COL6A5: variants seen among roughly 807,000 people sequenced by gnomAD.
The protein encoded by COL6A5 is collagen alpha-5(VI) chain.
In COL6A5, 48 loss-of-function variants were observed where a neutral mutation model predicts 65.6. That is an observed-to-expected ratio of 0.73 (90% CI 0.58 to 0.93). The LOEUF is 0.93. Ranked by LOEUF, COL6A5 falls within the 40% of genes least tolerant of loss-of-function variation. The probability of loss-of-function intolerance (pLI) is 0.00; values close to 1 mark genes in which losing one functional copy is unlikely to be tolerated. For missense variants in COL6A5, 914 were observed against 928.3 expected (o/e 0.98, Z 0.20); for synonymous variants, 291 against 322.8 (o/e 0.90, Z 1.05).
intron 4 of COL6A5, among the ~76,000 whole-genome samples, chr3:130,381,027 G>T (rs1405052973): frequency 6.6e-6 from 1 of 151,968 alleles, no homozygotes; most frequent in South Asian, 2.1e-4. Context: ...AAGACAAAAG[G>T]GAAGAAAAAG....
At chr3:130,429,667 T>A (rs1937714383), upstream of COL6A5, 4 of 1,170,602 alleles carry the variant, frequency 3.4e-6, no homozygotes, top group South Asian at 6.2e-5. Context: ...TGCCCTCAAC[T>A]CCGTGGGAAA....
At chr3:130,466,731 G>T (rs1422899004) in intron 5 of COL6A5, among the ~76,000 whole-genome samples, 1 of 151,940 alleles carries the variant, frequency 6.6e-6, no homozygotes, top group Admixed American at 6.6e-5. Context: ...AAACTCACCA[G>T]GAACAAAGAG....
At chr3:130,422,957 G>T (rs886072182) in intron 28 of COL6A5, among the ~76,000 whole-genome samples, 175 bp downstream of exon 28, 1 of 152,014 alleles carries the variant, frequency 6.6e-6, no homozygotes. Context: ...CATAAGAATT[G>T]AACTTAGTGA....
intron 7 of COL6A5, among the ~76,000 whole-genome samples, chr3:130,480,214 ATG>A (rs1710200953): frequency 6.6e-6 from 1 of 152,036 alleles, no homozygotes; most frequent in African/African-American, 2.4e-5. Flanking sequence ...TTATTAATAA[ATG>A]TATTTTGAAC....
chr3:130,423,991 T>C (rs1937560494), intron 29 of COL6A5, 91 bp downstream of exon 29: 1 of 981,204 alleles, frequency 1.0e-6, no homozygotes, highest in African/African-American at 1.6e-5. Context: ...ATGCACTGGA[T>C]TTAAGTCCAG....
chr3:130,355,607 T>C (rs73212701), intron 1 of COL6A5, among the ~76,000 whole-genome samples: 52 of 151,538 alleles, frequency 3.4e-4, no homozygotes, highest in Non-Finnish European at 6.8e-4. Flanking sequence ...CACACACACT[T>C]AGGGTAAACT....
exon 3 of COL6A5, chr3:130,440,504 G>T (rs113660207): frequency 6.2e-7 from 1 of 1,613,714 alleles, no homozygotes; most frequent in Non-Finnish European, 8.5e-7. Flanking sequence ...AAATGGAGAA[G>T]CAACAATTGG....
At chr3:130,401,900 G>A in intron 12 of COL6A5, 46 bp downstream of exon 12, 1 of 1,363,278 alleles carries the variant, frequency 7.3e-7, no homozygotes, top group Non-Finnish European at 1.0e-6. Flanking sequence ...GCCTTGATTT[G>A]GTACAGGTGG....
chr3:130,429,305 G>C (rs973204270), upstream of COL6A5, among the ~76,000 whole-genome samples: 1 of 152,144 alleles, frequency 6.6e-6, no homozygotes, highest in Non-Finnish European at 1.5e-5. Context: ...TAAGACAAGT[G>C]ATCAGTGTTT....
intron 3 of COL6A5, among the ~76,000 whole-genome samples, chr3:130,441,040 T>C (rs941654888): frequency 6.6e-6 from 1 of 152,148 alleles, no homozygotes; most frequent in Admixed American, 6.6e-5. Context: ...TGATAGTGTG[T>C]CTTTTAGCCA....
At chr3:130,457,117 G>A (rs146839189) in intron 5 of COL6A5, among the ~76,000 whole-genome samples, 47 of 152,010 alleles carry the variant, frequency 3.1e-4, no homozygotes, top group African/African-American at 1.0e-3. Flanking sequence ...TTGAAGATTT[G>A]TACTTTTTAA....
intron 7 of COL6A5, among the ~76,000 whole-genome samples, chr3:130,392,270 C>T (rs534936388): frequency 3.9e-5 from 6 of 152,126 alleles, no homozygotes; most frequent in Admixed American, 1.3e-4. Context: ...TCTGGGTAAG[C>T]GCCACCTGTG....
chr3:130,451,614 A>G (rs186893974), intron 4 of COL6A5, among the ~76,000 whole-genome samples: 2 of 152,218 alleles, frequency 1.3e-5, no homozygotes, highest in East Asian at 3.9e-4. Flanking sequence ...TAGCATATAT[A>G]TGATCCTGGG....
At chr3:130,368,578 G>A (rs1288436544) in intron 1 of COL6A5, among the ~76,000 whole-genome samples, 2 of 151,870 alleles carry the variant, frequency 1.3e-5, no homozygotes, top group Non-Finnish European at 2.9e-5. Context: ...TGGGTAAGGA[G>A]GAGAAGTGGG....
intron 1 of COL6A5, among the ~76,000 whole-genome samples, chr3:130,363,736 G>A (rs1277612424): frequency 6.6e-6 from 1 of 152,168 alleles, no homozygotes; most frequent in Non-Finnish European, 1.5e-5. Context: ...CTTAACGAAA[G>A]TGTGGGTGCC....
intron 5 of COL6A5, among the ~76,000 whole-genome samples, chr3:130,462,548 A>G (rs1216135781): frequency 1.3e-5 from 2 of 152,066 alleles, no homozygotes; most frequent in South Asian, 2.1e-4. Flanking sequence ...GCAAACTTTA[A>G]TTTTCTCAAA....
intron 5 of COL6A5, among the ~76,000 whole-genome samples, chr3:130,467,037 A>C (rs1709834605): frequency 2.6e-5 from 4 of 152,022 alleles, no homozygotes; most frequent in South Asian, 2.1e-4. Flanking sequence ...AATAATACCA[A>C]TTCTACAAAA....
chr3:130,354,528 G>C (rs1326439861), intron 1 of COL6A5, among the ~76,000 whole-genome samples: 1 of 152,004 alleles, frequency 6.6e-6, no homozygotes, highest in Non-Finnish European at 1.5e-5. Context: ...CAGAACTCAG[G>C]GCTCACTCCA....
At chr3:130,434,325 C>G (rs1937952680) in intron 1 of COL6A5, among the ~76,000 whole-genome samples, 1 of 152,172 alleles carries the variant, frequency 6.6e-6, no homozygotes, top group African/African-American at 2.4e-5. Context: ...TTTTCTTTAT[C>G]CAGTCTATCA....
Sources: allele counts gnomAD v4.1 joint callset (sites outside exome capture counted in the v4.1 genomes callset), GRCh38; gene constraint gnomAD v4.1.1; transcripts MANE v1.5; gene names NCBI Gene and HGNC (gene_info 2026-07-23, HGNC 2026-07-21).